Variants in EPHA6 observed in about 807,000 individuals in gnomAD.
The protein encoded by EPHA6 is EPH receptor A6.
EPHA6 carries 50 observed loss-of-function variants against 112.0 expected under a neutral mutation model. That is an observed-to-expected ratio of 0.45 (90% confidence interval 0.36 to 0.56). The LOEUF is 0.56. Ranked by LOEUF, EPHA6 falls within the 20% of genes least tolerant of loss-of-function variation. The pLI is 0.00. For synonymous variants in EPHA6, 529 were observed against 490.7 expected, an observed-to-expected ratio of 1.08 and a Z score of -1.03; for missense variants, 1,280 against 1,417.4, an observed-to-expected ratio of 0.90 and a Z score of 1.56.
intron 3 of EPHA6, among the ~76,000 whole-genome samples, chr3:97,163,133 G>T (rs1185944589): frequency 6.6e-6 from 1 of 152,018 alleles, no homozygotes; most frequent in Non-Finnish European, 1.5e-5. Flanking sequence ...TTTATGAAAG[G>T]TATGTCTTCT....
intron 7 of EPHA6, among the ~76,000 whole-genome samples, chr3:97,465,651 G>C (rs1049779588): frequency 6.6e-6 from 1 of 151,990 alleles, no homozygotes; most frequent in Non-Finnish European, 1.5e-5. Flanking sequence ...ATGGTTAAAT[G>C]AGTTTTGGCA....
chr3:97,442,720 A>G (rs2090178991), intron 6 of EPHA6, among the ~76,000 whole-genome samples: 1 of 152,196 alleles, frequency 6.6e-6, no homozygotes, highest in Non-Finnish European at 1.5e-5. Context: ...TGCAACATTA[A>G]AGTAGAAATA....
intron 12 of EPHA6, among the ~76,000 whole-genome samples, chr3:97,606,595 G>A (rs1418989855): frequency 6.6e-6 from 1 of 151,312 alleles, no homozygotes; most frequent in African/African-American, 2.4e-5. Context: ...TGAACTGAAT[G>A]AGGATGAGAT....
intron 13 of EPHA6, among the ~76,000 whole-genome samples, chr3:97,620,177 T>G (rs900346507): frequency 2.6e-5 from 4 of 152,080 alleles, no homozygotes; most frequent in East Asian, 1.9e-4. Context: ...AAAGATTTCT[T>G]TATTCAATAA....
intron 10 of EPHA6, among the ~76,000 whole-genome samples, chr3:97,524,753 T>C (rs1225063982): frequency 6.6e-6 from 1 of 152,180 alleles, no homozygotes; most frequent in Non-Finnish European, 1.5e-5. Flanking sequence ...GGGTGTAGTA[T>C]GTTTTGTTAA....
intron 11 of EPHA6, among the ~76,000 whole-genome samples, chr3:97,544,101 T>A (rs913749436): frequency 6.6e-6 from 1 of 152,310 alleles, no homozygotes; most frequent in East Asian, 1.9e-4. Context: ...CCTGCCTGAT[T>A]GTCCTAGCCA....
At position 97,181,207 on chromosome 3, in the gene EPHA6, G is replaced by T. The variant is rs561702156; in HGVS notation, c.1115-45057G>T. 2.0e-5 allele frequency among the ~76,000 whole-genome samples: 3 copies of T among 152,226 alleles called. No individual in the cohort carries two copies. In the East Asian group the frequency reaches 5.8e-4, roughly 30 times the overall value. ...TATGTCCTTTCTCCCCCAGTGTCCA[G>T]ATATGCTCTCCCAACCATATTGCTG... is the stretch of plus-strand genomic sequence containing the variant. On this transcript the variant is annotated intron_variant, in intron 3 of 17. Transcript: ENST00000389672.
chr3:96,971,825 T>C (rs1450679467), intron 2 of EPHA6, among the ~76,000 whole-genome samples: 2 of 152,172 alleles, frequency 1.3e-5, no homozygotes, highest in African/African-American at 2.4e-5. Flanking sequence ...TCTCAGCCAT[T>C]CTGCATTCTT....
rs34766006 is a variant in EPHA6 at position 97,619,433 on chromosome 3, AGGGG to A, written c.2574+8588_2574+8591del. 5.3e-5 allele frequency among the ~76,000 whole-genome samples: 6 copies of A among 113,360 alleles called. No individual in the cohort carries two copies. In the East Asian group the frequency reaches 9.4e-4, roughly 18 times the overall value. The allele number at this position is 113,360 out of a possible 152,430, so 74.4% of individuals were successfully genotyped here. ...TACAGAGCAATCAGACAATAGAAAA[AGGGG>A]GGGGGGGGCATCCAAATAGGAAGAG... On this transcript the variant is annotated intron_variant, in intron 13 of 17. Coordinates refer to ENST00000389672, the MANE Select transcript of EPHA6 (RefSeq NM_001080448.3).
intron 5 of EPHA6, among the ~76,000 whole-genome samples, chr3:97,390,175 G>A (rs557079451): frequency 6.6e-6 from 1 of 152,202 alleles, no homozygotes; most frequent in African/African-American, 2.4e-5. Flanking sequence ...CGTCCATTAA[G>A]GAAGATTCAA....
intron 3 of EPHA6, among the ~76,000 whole-genome samples, chr3:97,034,207 T>G (rs1303857582): frequency 6.6e-6 from 1 of 151,942 alleles, no homozygotes; most frequent in Non-Finnish European, 1.5e-5. Flanking sequence ...CTGATAAAAA[T>G]GAAAATATAG....
intron 8 of EPHA6, among the ~76,000 whole-genome samples, chr3:97,476,587 AAAATTGTCTACAATTTTGACAGCACACC>A (rs1379252223): frequency 1.3e-5 from 2 of 152,162 alleles, no homozygotes; most frequent in Non-Finnish European, 2.9e-5. Flanking sequence ...ACACATATGA[AAAATTGTCTACAATTTTGACAGCACACC>A]AAAAAGTATA....
chr3:97,597,782 G>C (rs577864005), intron 12 of EPHA6, among the ~76,000 whole-genome samples: 2 of 152,296 alleles, frequency 1.3e-5, no homozygotes, highest in Admixed American at 6.5e-5. Flanking sequence ...TATTCAGAAA[G>C]TATATGGCTT....
intron 14 of EPHA6, among the ~76,000 whole-genome samples, chr3:97,684,918 T>TA (rs2032135008): frequency 6.6e-6 from 1 of 152,212 alleles, no homozygotes; most frequent in Admixed American, 6.5e-5. Context: ...TGTACAATTT[T>TA]AAAAACCCCA....
At chr3:97,523,899 C>A (rs912979796) in intron 10 of EPHA6, among the ~76,000 whole-genome samples, 2 of 151,988 alleles carry the variant, frequency 1.3e-5, no homozygotes. Flanking sequence ...TTGATCTAAT[C>A]TAATACAAGC....
At position 97,532,374 on chromosome 3, in the gene EPHA6, C is replaced by G. The variant is rs995112469; in HGVS notation, c.2217C>G (p.Val739=). The change falls in exon 11 of 18, where the codon GTC becomes GTG. Residue 739 remains valine, a synonymous_variant. Coordinates refer to ENST00000389672, the MANE Select transcript of EPHA6 (RefSeq NM_001080448.3). ...TATTTTAAGGTGAATTTGGAGAAGTCTGTAGTGGGCGTTTGAAGACACCAG... is the reference window on the plus strand; with the variant it reads ...TATTTTAAGGTGAATTTGGAGAAGTGTGTAGTGGGCGTTTGAAGACACCAG... ...RVIGAGEFGE[V]CSGRLKTPGK... 4.3e-6 allele frequency: 7 copies of G among 1,609,524 alleles called. No homozygotes were observed. In the African/African-American group the frequency reaches 9.4e-5, roughly 22 times the overall value.
chr3:97,472,825 C>T (rs773053174), intron 7 of EPHA6, among the ~76,000 whole-genome samples: 2 of 151,724 alleles, frequency 1.3e-5, no homozygotes, highest in African/African-American at 2.4e-5. Flanking sequence ...ACCAAAACCG[C>T]TAGATCTAGT....
At chr3:97,104,461 A>G (rs946664482) in intron 3 of EPHA6, among the ~76,000 whole-genome samples, 1 of 151,978 alleles carries the variant, frequency 6.6e-6, no homozygotes, top group Non-Finnish European at 1.5e-5. Flanking sequence ...TTATTTTCGT[A>G]TGTTGAACCA....
At chr3:96,835,865 G>A (rs955450394) in intron 1 of EPHA6, among the ~76,000 whole-genome samples, 12 of 152,082 alleles carry the variant, frequency 7.9e-5, no homozygotes, top group African/African-American at 2.9e-4. Context: ...GTGGTGGAAT[G>A]AATCTCGTCA....
Sources: gnomAD v4.1 joint callset for allele counts (sites outside exome capture counted in the v4.1 genomes callset) on GRCh38, gnomAD v4.1.1 for gene constraint, MANE v1.5 for transcripts, NCBI Gene and HGNC (gene_info 2026-07-23, HGNC 2026-07-21) for gene names.